The following COL18A1 variants were observed in gnomAD, a reference collection of about 807,000 sequenced individuals.
COL18A1 encodes collagen type XVIII alpha 1 chain.
A neutral mutation model predicts 168.0 loss-of-function variants in COL18A1; 133 were observed. The observed-to-expected ratio is 0.79, with a 90% CI of 0.69 to 0.91. COL18A1 has a LOEUF of 0.91. Ranked by LOEUF, COL18A1 falls within the 40% of genes least tolerant of loss-of-function variation. The pLI is 0.00. For synonymous variants in COL18A1, 949 were observed against 809.0 expected, an observed-to-expected ratio of 1.17 and a Z score of -2.94; for missense variants, 2,126 against 1,925.4, an observed-to-expected ratio of 1.10 and a Z score of -1.95.
At chr21:45,480,375 G>T in intron 11 of COL18A1, 92 bp from the exon 12 acceptor site, 1 of 1,609,758 alleles carries the variant, frequency 6.2e-7, no homozygotes, top group Non-Finnish European at 8.5e-7. Flanking sequence ...TGTAGAAACA[G>T]CTCGATATGC....
chr21:45,507,761 CTG>C (rs2037310646), intron 38 of COL18A1, among the ~76,000 whole-genome samples, 168 bp downstream of exon 38: 2 of 152,344 alleles, frequency 1.3e-5, no homozygotes, highest in South Asian at 4.1e-4. Flanking sequence ...CCCACTACCT[CTG>C]TCTCAGCGCT....
intron 2 of COL18A1, among the ~76,000 whole-genome samples, chr21:45,418,902 C>T (rs1318664076): frequency 1.3e-5 from 2 of 152,234 alleles, no homozygotes; most frequent in African/African-American, 2.4e-5. Flanking sequence ...CCAGACCCCC[C>T]GGACGGCTTG....
At chr21:45,408,731 C>T (rs2033197786) in intron 2 of COL18A1, among the ~76,000 whole-genome samples, 1 of 152,086 alleles carries the variant, frequency 6.6e-6, no homozygotes, top group East Asian at 1.9e-4. Flanking sequence ...CCCACCCCCG[C>T]TCACTGTGTT....
intron 2 of COL18A1, among the ~76,000 whole-genome samples, chr21:45,460,300 C>A (rs889127744): frequency 6.6e-6 from 1 of 152,224 alleles, no homozygotes; most frequent in Non-Finnish European, 1.5e-5. Context: ...TGCCTGTGCA[C>A]AGAGTGGGGC....
chr21:45,501,605 C>T (rs890389844), intron 32 of COL18A1, among the ~76,000 whole-genome samples: 8 of 152,148 alleles, frequency 5.3e-5, no homozygotes, highest in East Asian at 1.9e-4. Context: ...ACACTGCAGC[C>T]GCAGGGGCCT....
At chr21:45,478,152 T>C (rs1602489648) in intron 8 of COL18A1, 175 bp from the exon 9 acceptor site, 2 of 868,920 alleles carry the variant, frequency 2.3e-6, no homozygotes, top group Non-Finnish European at 3.8e-6. Flanking sequence ...GCGGAGCTGC[T>C]CAGACACAGC....
intron 30 of COL18A1, 76 bp from the exon 31 acceptor site, chr21:45,496,974 T>C (rs1226830601): frequency 1.2e-5 from 12 of 993,756 alleles, no homozygotes; most frequent in Non-Finnish European, 1.8e-5. Flanking sequence ...GCTTCTGGGC[T>C]TGGGGACCCC....
Position 45,505,394 on chromosome 21 carries a change from C to A in COL18A1, c.3050C>A (p.Pro1017His). 6.3e-7 allele frequency: 1 copy of A among 1,586,754 alleles called. No individual in the cohort carries two copies. Among genetic ancestry groups the A allele is most frequent in the Non-Finnish European group, 8.6e-7 (1 of 1,160,980 alleles). The change falls in exon 36 of 42, where the codon CCC (proline) becomes CAC (histidine). Residue 1017 changes from proline (P) to histidine (H), a missense_variant. Pro to His is a moderately conservative substitution (Grantham distance 77). Coordinates refer to ENST00000651438, the MANE Select transcript of COL18A1 (RefSeq NM_001379500.1). ...CCCGGCCCTCCGGGCCCCCCTGGGC[C>A]CCCTGGGCCCCCTGGAACCATGGGC... ...SVPGPPGPPG[P>H]PGPPGTMGAS...
chr21:45,491,169 G>A, intron 21 of COL18A1, 56 bp from the exon 22 acceptor site: 3 of 1,461,902 alleles, frequency 2.1e-6, no homozygotes, highest in South Asian at 2.3e-5. Flanking sequence ...GTGGACTCTG[G>A]GGTCCTGGCC....
chr21:45,504,683 G>A (rs924207233), intron 34 of COL18A1, 127 bp downstream of exon 34: 49 of 802,536 alleles, frequency 6.1e-5, no homozygotes, highest in East Asian at 3.2e-4. Context: ...CAGCAGCCCC[G>A]ACATGTCCCT....
chr21:45,482,301 T>C, intron 14 of COL18A1: 1 of 663,156 alleles, frequency 1.5e-6, no homozygotes, highest in Admixed American at 2.2e-5. Context: ...GCTTCCACGT[T>C]GGTTACGGGG....
In COL18A1 at chr21:45,512,406, C is replaced by G. The variant is rs778766855; in HGVS notation, c.*8C>G. Reference sequence around the variant, plus strand: ...ATGACTGCCTCCAAGTAGCCACCGCCTGGATGCGGATGGCCGGAGAGGACC... The same window carrying G: ...ATGACTGCCTCCAAGTAGCCACCGCGTGGATGCGGATGGCCGGAGAGGACC... On this transcript the variant is annotated 3_prime_UTR_variant, in exon 42 of 42. Coordinates refer to ENST00000651438, the MANE Select transcript of COL18A1 (RefSeq NM_001379500.1). 6.2e-7 allele frequency: 1 copy of G among 1,611,776 alleles called. No homozygotes were observed. Among genetic ancestry groups the G allele is most frequent in the Non-Finnish European group, 8.5e-7 (1 of 1,179,496 alleles).
rs1387720929 is a variant in COL18A1 at position 45,505,237 on chromosome 21, G to A, written c.2972G>A (p.Gly991Asp). ...EGRQGPPGPPGPPGPPSFPGP... is the reference protein window; with the variant it reads ...EGRQGPPGPPDPPGPPSFPGP... ...CGCCAGGGCCCTCCCGGCCCCCCAGGCCCCCCAGGGCCCCCTTCATTTCCT... is the reference window on the plus strand; with the variant it reads ...CGCCAGGGCCCTCCCGGCCCCCCAGACCCCCCAGGGCCCCCTTCATTTCCT... Residue 991 changes from glycine (G) to aspartate (D), a missense_variant, in exon 35 of 42, where the codon GGC becomes GAC. Gly to Asp is a moderately conservative substitution (Grantham distance 94). Coordinates refer to ENST00000651438, the MANE Select transcript of COL18A1 (RefSeq NM_001379500.1). 8 of 1,602,890 alleles carry A rather than the reference G, an allele frequency of 5.0e-6. No homozygotes were observed. Among genetic ancestry groups the A allele is most frequent in the Non-Finnish European group, 6.8e-6 (8 of 1,173,658 alleles).
chr21:45,479,518 G>A (rs563439661), intron 9 of COL18A1, among the ~76,000 whole-genome samples: 7 of 152,008 alleles, frequency 4.6e-5, no homozygotes, highest in East Asian at 1.9e-4. Flanking sequence ...CATGGATTAT[G>A]CACACCATAC....
intron 26 of COL18A1, chr21:45,494,243 TGCCCTCC>T: frequency 2.4e-6 from 1 of 416,552 alleles, no homozygotes; most frequent in Non-Finnish European, 4.2e-6. Flanking sequence ...GCGTGGCACA[TGCCCTCC>T]ACCCTCCACC....
chr21:45,450,384 C>T (rs1022119505), intron 2 of COL18A1, among the ~76,000 whole-genome samples: 4 of 152,156 alleles, frequency 2.6e-5, no homozygotes, highest in Non-Finnish European at 5.9e-5. Context: ...CCCAGAGCCA[C>T]CCGCCACGGG....
intron 3 of COL18A1, among the ~76,000 whole-genome samples, chr21:45,472,184 C>A (rs1340967791): frequency 6.6e-6 from 1 of 152,054 alleles, no homozygotes; most frequent in African/African-American, 2.4e-5. Context: ...CCAAGATGCA[C>A]CCCCCGCCCG....
Position 45,480,786 on chromosome 21 carries a change from C to T in COL18A1, c.1539C>T (p.Ser513=), listed in dbSNP as rs757126380. 20 of 1,611,308 alleles carry T rather than the reference C, an allele frequency of 1.2e-5. No individual in the cohort carries two copies. The highest frequency in any genetic ancestry group is 1.1e-4 in the East Asian group (5 of 44,874). ...CAGGCCGCTTTGGGGTGAACAGCTC[C>T]GACGTCCCAGGACCCGCCGGCCTTC... ...GEPGRFGVNS[S]DVPGPAGLPG... The change falls in exon 13 of 42, where the codon TCC becomes TCT. Residue 513 remains serine (S), a synonymous_variant. Coordinates refer to ENST00000651438, the MANE Select transcript of COL18A1 (RefSeq NM_001379500.1).
chr21:45,423,678 G>A lies in COL18A1; in HGVS notation c.106+18205G>A, dbSNP rs1406903488. 1 of 152,074 alleles carries A rather than the reference G, an allele frequency of 6.6e-6. No homozygotes were observed. The highest frequency in any genetic ancestry group is 1.5e-5 in the Non-Finnish European group (1 of 68,024). The allele number at this position is 152,074 out of a possible 1,614,324, so 9.4% of individuals were successfully genotyped here. ...AGTTAATGCTGAATTAGGTACCTCA[G>A]GCTTGAGTCAAATATTAACAGAGGA... On this transcript the variant is annotated intron_variant, in intron 2 of 41. Coordinates refer to ENST00000651438, the MANE Select transcript of COL18A1 (RefSeq NM_001379500.1). This position sits in a 1 kb window ranked among gnomAD's most constrained non-coding sequence, Gnocchi z 4.0.
Sources: gnomAD v4.1 joint callset for allele counts (sites outside exome capture counted in the v4.1 genomes callset) on GRCh38, gnomAD v4.1.1 for gene constraint, Gnocchi (gnomAD v3.1) non-coding constraint, MANE v1.5 for transcripts, NCBI Gene and HGNC (gene_info 2026-07-23, HGNC 2026-07-21) for gene names.